Variants in NELL1 observed in about 807,000 individuals in gnomAD.
NELL1 encodes neural EGFL like 1.
Under a neutral mutation model 107.4 loss-of-function variants are expected in NELL1, and 76 were observed. The observed-to-expected ratio is 0.71, with a 90% CI of 0.59 to 0.86. The LOEUF (loss-of-function observed/expected upper bound fraction) is 0.86. Among genes scored for constraint, NELL1 ranks in the 40% least tolerant of loss-of-function variants. NELL1 has a pLI of 0.00. For missense variants in NELL1, 1,024 were observed against 1,005.5 expected, an observed-to-expected ratio of 1.02 and a Z score of -0.25; for synonymous variants, 353 against 341.2, an observed-to-expected ratio of 1.03 and a Z score of -0.38.
chr11:20,911,230 A>C lies in NELL1; in HGVS notation c.604-6952A>C, dbSNP rs189377296. Among the ~76,000 whole-genome samples the C allele has an allele frequency of 8.5e-5, 13 of 152,336 alleles. No individual in the cohort carries two copies. The South Asian group carries it at 1.2e-3, about 15-fold the overall frequency. On this transcript the variant is annotated intron_variant, in intron 5 of 19. Transcript: ENST00000357134. ...GACTTGGACAATCATTTTGCTGCAG[A>C]GGTGGGTTATGGGAATGTAGAGGAC...
chr11:20,711,231 T>C (rs1474546422), intron 2 of NELL1, among the ~76,000 whole-genome samples: 1 of 152,118 alleles, frequency 6.6e-6, no homozygotes, highest in African/African-American at 2.4e-5. Flanking sequence ...GTGTCCCTAT[T>C]ATGAGCTTTT....
Position 20,778,884 on chromosome 11 carries a change from G to T in NELL1, c.185-4796G>T, listed in dbSNP as rs1856801928. On this transcript the variant is annotated intron_variant, in intron 2 of 19. Coordinates refer to ENST00000357134, the MANE Select transcript of NELL1 (RefSeq NM_006157.5). ...AGATGGAGTAGGTTAACACATGTAG[G>T]ATTGAGTGTGAGCAGTGGGAAGCAC... 2.6e-5 allele frequency among the ~76,000 whole-genome samples: 4 copies of T among 152,256 alleles called. No individual in the cohort carries two copies. In the South Asian group the frequency reaches 8.3e-4, roughly 32 times the overall value.
At chr11:20,997,185 T>C (rs17298649) in intron 12 of NELL1, among the ~76,000 whole-genome samples, 10,070 of 152,246 alleles carry the variant, frequency 0.066, 448 homozygotes, top group South Asian at 0.17. Context: ...ACAATAATAT[T>C]TGTTGGTTTC....
chr11:21,284,327 A>G, intron 14 of NELL1: 1 of 457,298 alleles, frequency 2.2e-6, no homozygotes, highest in Non-Finnish European at 4.4e-6. Flanking sequence ...GGAGCATGAG[A>G]GTGTGAAAGG....
intron 16 of NELL1, among the ~76,000 whole-genome samples, chr11:21,537,828 T>C (rs1856175536): frequency 1.3e-5 from 2 of 151,822 alleles, no homozygotes; most frequent in South Asian, 2.1e-4. Context: ...GTGGTGTAGA[T>C]TGTGGTGCAT....
At chr11:21,101,755 G>A (rs1221903663) in intron 12 of NELL1, among the ~76,000 whole-genome samples, 1 of 152,176 alleles carries the variant, frequency 6.6e-6, no homozygotes, top group Non-Finnish European at 1.5e-5. Context: ...TGTCAGATGA[G>A]TAGATTGCAA....
chr11:20,784,049 G>A (rs775408515), intron 3 of NELL1, among the ~76,000 whole-genome samples: 45 of 152,126 alleles, frequency 3.0e-4, no homozygotes, highest in African/African-American at 4.1e-4. Flanking sequence ...TATCTTTCTC[G>A]TCTGTCTTCT....
intron 9 of NELL1, among the ~76,000 whole-genome samples, chr11:20,934,797 C>T (rs1850689061): frequency 6.6e-6 from 1 of 152,080 alleles, no homozygotes. Context: ...GTGGTCTCTC[C>T]ATGCAAGTAC....
At chr11:21,314,001 C>G (rs796686930) in intron 14 of NELL1, among the ~76,000 whole-genome samples, 2,156 of 109,098 alleles carry the variant, frequency 0.02, 250 homozygotes, top group African/African-American at 0.078. Flanking sequence ...TGCCCCCCCC[C>G]CCCCCCCCGC....
At chr11:21,010,039 G>A (rs1852413196) in intron 12 of NELL1, among the ~76,000 whole-genome samples, 1 of 150,126 alleles carries the variant, frequency 6.7e-6, no homozygotes, top group South Asian at 2.1e-4. Flanking sequence ...CAGGAATGGT[G>A]GTGTGAAGGA....
chr11:20,714,876 T>C (rs1855203115), intron 2 of NELL1, among the ~76,000 whole-genome samples: 1 of 152,156 alleles, frequency 6.6e-6, no homozygotes, highest in South Asian at 2.1e-4. Flanking sequence ...ACGTTCACCT[T>C]ATATAAGTTA....
At chr11:20,734,943 G>A (rs900290986) in intron 2 of NELL1, among the ~76,000 whole-genome samples, 6 of 152,060 alleles carry the variant, frequency 3.9e-5, no homozygotes, top group Admixed American at 6.6e-5. Flanking sequence ...CTTTGGGGGT[G>A]GGGTCTAGAT....
intron 12 of NELL1, among the ~76,000 whole-genome samples, chr11:21,039,420 A>T (rs1327283590): frequency 1.3e-5 from 2 of 152,164 alleles, no homozygotes; most frequent in Non-Finnish European, 2.9e-5. Flanking sequence ...TCCTGACCTC[A>T]GGTGATCCAC....
At chr11:21,091,922 C>A (rs1046644108) in intron 12 of NELL1, among the ~76,000 whole-genome samples, 1 of 152,018 alleles carries the variant, frequency 6.6e-6, no homozygotes, top group Non-Finnish European at 1.5e-5. Flanking sequence ...CCATAGGGGG[C>A]CTAGTGTAAG....
At chr11:21,144,868 C>T (rs1441620195) in intron 13 of NELL1, among the ~76,000 whole-genome samples, 1 of 152,156 alleles carries the variant, frequency 6.6e-6, no homozygotes, top group Non-Finnish European at 1.5e-5. Context: ...CAAGGAAGTT[C>T]TAAAATGCTG....
intron 14 of NELL1, among the ~76,000 whole-genome samples, chr11:21,316,283 CA>C (rs1346290240): frequency 6.6e-6 from 1 of 152,058 alleles, no homozygotes; most frequent in Non-Finnish European, 1.5e-5. Flanking sequence ...ATCACACCGT[CA>C]AAGCTTTTTT....
chr11:20,708,155 A>G (rs1855019723), intron 2 of NELL1, among the ~76,000 whole-genome samples: 1 of 152,196 alleles, frequency 6.6e-6, no homozygotes. Flanking sequence ...CAGGCACAGG[A>G]TATAATCTCC....
intron 3 of NELL1, among the ~76,000 whole-genome samples, chr11:20,805,313 G>A (rs754383787): frequency 1.3e-5 from 2 of 152,002 alleles, no homozygotes; most frequent in Non-Finnish European, 2.9e-5. Flanking sequence ...TGATAAATAA[G>A]CATCATTAAC....
chr11:21,316,301 C>G (rs561813584), intron 14 of NELL1, among the ~76,000 whole-genome samples: 1 of 152,042 alleles, frequency 6.6e-6, no homozygotes, highest in Non-Finnish European at 1.5e-5. Context: ...TTTTAAAACA[C>G]GAGATGATAG....
Sources: allele counts gnomAD v4.1 joint callset (sites outside exome capture counted in the v4.1 genomes callset), GRCh38; gene constraint gnomAD v4.1.1; transcripts MANE v1.5; gene names NCBI Gene and HGNC (gene_info 2026-07-23, HGNC 2026-07-21).